AGBL4: variants seen among roughly 807,000 people sequenced by gnomAD.
The protein encoded by AGBL4 is cytosolic carboxypeptidase 6.
Under a neutral mutation model 66.4 loss-of-function variants are expected in AGBL4, and 58 were observed. That is an observed-to-expected ratio of 0.87 (90% CI 0.71 to 1.09). The LOEUF (loss-of-function observed/expected upper bound fraction) is 1.09. Among genes scored for constraint, AGBL4 ranks in the 50% least tolerant of loss-of-function variants. The pLI, the probability that AGBL4 is intolerant of heterozygous loss-of-function variation, is 0.00. For missense variants in AGBL4, 579 were observed against 631.0 expected, an observed-to-expected ratio of 0.92 and a Z score of 0.88; for synonymous variants, 234 against 222.9, an observed-to-expected ratio of 1.05 and a Z score of -0.44.
At chr1:48,862,023 C>A (rs1201607908) in intron 6 of AGBL4, among the ~76,000 whole-genome samples, 1 of 152,180 alleles carries the variant, frequency 6.6e-6, no homozygotes, top group Non-Finnish European at 1.5e-5. Context: ...CTTTACAGGG[C>A]AAATTTATCT....
At chr1:49,227,818 G>A in intron 4 of AGBL4, among the ~76,000 whole-genome samples, 1 of 152,152 alleles carries the variant, frequency 6.6e-6, no homozygotes, top group Non-Finnish European at 1.5e-5. Context: ...ATTCATGGCT[G>A]CAGTGCCCTA....
At chr1:49,080,313 A>G (rs957083550) in intron 4 of AGBL4, among the ~76,000 whole-genome samples, 1 of 152,192 alleles carries the variant, frequency 6.6e-6, no homozygotes, top group Non-Finnish European at 1.5e-5. Flanking sequence ...AAGCAACAAT[A>G]TGGTACCCAG....
At chr1:49,440,069 CT>C (rs34024621) in intron 3 of AGBL4, among the ~76,000 whole-genome samples, 88 of 123,502 alleles carry the variant, frequency 7.1e-4, no homozygotes, top group East Asian at 1.4e-3. Flanking sequence ...AAGGACTCTA[CT>C]TTTTTTTTTT....
intron 6 of AGBL4, chr1:48,742,728 C>A: frequency 2.5e-6 from 4 of 1,608,790 alleles, no homozygotes; most frequent in Non-Finnish European, 2.5e-6. Flanking sequence ...CCGGCTCGGG[C>A]TCGAGACATT....
intron 1 of AGBL4, among the ~76,000 whole-genome samples, chr1:49,981,323 C>G (rs984512863): frequency 1.3e-5 from 2 of 152,002 alleles, no homozygotes; most frequent in Non-Finnish European, 2.9e-5. Flanking sequence ...GAATTCCAAT[C>G]GTCAGAATAA....
chr1:48,791,362 A>G (rs545478742), intron 6 of AGBL4, among the ~76,000 whole-genome samples: 48 of 152,178 alleles, frequency 3.2e-4, no homozygotes, highest in African/African-American at 1.2e-3. Flanking sequence ...TCTTCTCTAA[A>G]TCACCTTCCC....
intron 6 of AGBL4, among the ~76,000 whole-genome samples, chr1:48,750,991 C>T (rs1049819682): frequency 6.6e-6 from 1 of 152,174 alleles, no homozygotes; most frequent in Non-Finnish European, 1.5e-5. Context: ...AACATCCATC[C>T]ATGTTGGCTG....
intron 3 of AGBL4, among the ~76,000 whole-genome samples, chr1:49,380,409 G>A (rs986682572): frequency 6.6e-6 from 1 of 152,050 alleles, no homozygotes; most frequent in Non-Finnish European, 1.5e-5. Flanking sequence ...CATGAAAAGG[G>A]CCATACTGCC....
chr1:49,835,056 G>C (rs1227369918), intron 2 of AGBL4, among the ~76,000 whole-genome samples: 1 of 152,166 alleles, frequency 6.6e-6, no homozygotes, highest in Non-Finnish European at 1.5e-5. Context: ...CTATTGATTT[G>C]GGGTGGAGAG....
intron 1 of AGBL4, among the ~76,000 whole-genome samples, chr1:49,852,571 C>T (rs925514425): frequency 2.0e-5 from 3 of 151,982 alleles, no homozygotes; most frequent in Admixed American, 1.3e-4. Flanking sequence ...CATGAAGTCT[C>T]TTATGGGAAA....
At chr1:48,713,210 GCAAC>G (rs1646994675) in intron 6 of AGBL4, among the ~76,000 whole-genome samples, 1 of 152,188 alleles carries the variant, frequency 6.6e-6, no homozygotes, top group South Asian at 2.1e-4. Context: ...CTGATTGATG[GCAAC>G]CCAGAGAAGG....
chr1:48,989,598 G>C (rs1410056600), intron 5 of AGBL4, among the ~76,000 whole-genome samples: 1 of 151,878 alleles, frequency 6.6e-6, no homozygotes, highest in East Asian at 1.9e-4. Flanking sequence ...TTAATTTTTA[G>C]CTCCCCAAAA....
At chr1:48,590,703 C>T (rs896347867) in intron 10 of AGBL4, 130 bp downstream of exon 10, 116 of 1,044,272 alleles carry the variant, frequency 1.1e-4, no homozygotes, top group Non-Finnish European at 1.5e-4. Flanking sequence ...CTATCTTCAT[C>T]ACCCACACAA....
chr1:48,575,671 C>T (rs1644641957), intron 11 of AGBL4, among the ~76,000 whole-genome samples: 1 of 152,208 alleles, frequency 6.6e-6, no homozygotes, highest in South Asian at 2.1e-4. Flanking sequence ...GCTCCCTTCT[C>T]ATCCTTCTAG....
At chr1:48,584,645 G>A (rs1644790752) in intron 11 of AGBL4, 1 of 152,490 alleles carries the variant, frequency 6.6e-6, no homozygotes, top group Non-Finnish European at 1.5e-5. Context: ...GAACCCAGGA[G>A]GCAGAAGTTG....
At chr1:49,641,825 T>A (rs1238043870) in intron 3 of AGBL4, among the ~76,000 whole-genome samples, 1 of 152,044 alleles carries the variant, frequency 6.6e-6, no homozygotes, top group Non-Finnish European at 1.5e-5. Flanking sequence ...CTAGTCTTTT[T>A]AAAAGCATTA....
intron 1 of AGBL4, among the ~76,000 whole-genome samples, chr1:49,906,262 T>C (rs1305207528): frequency 1.3e-5 from 2 of 152,032 alleles, no homozygotes; most frequent in African/African-American, 4.8e-5. Context: ...CTTAAAAACA[T>C]CTTATGTGCA....
intron 6 of AGBL4, among the ~76,000 whole-genome samples, chr1:48,713,336 G>A (rs943517755): frequency 8.5e-5 from 13 of 152,140 alleles, no homozygotes; most frequent in Admixed American, 3.9e-4. Flanking sequence ...TGGGAGAAGG[G>A]AGAGCCATTC....
Position 49,441,103 on chromosome 1 carries a change from C to G in AGBL4, c.283-195239G>C, listed in dbSNP as rs190642507. 1.8e-3 allele frequency among the ~76,000 whole-genome samples: 270 copies of G among 152,234 alleles called. 3 individuals carry two copies. Among genetic ancestry groups the G allele is most frequent in the African/African-American group, 6.3e-3 (260 of 41,522 alleles). ...GGAGCCCCCCGCCCGCCACAACACC[C>G]CTGTTAGCTTCAAGACATATGACTA... On this transcript the variant is annotated intron_variant, in intron 3 of 13. Coordinates refer to ENST00000371839, the MANE Select transcript of AGBL4 (RefSeq NM_032785.4).
Sources: gnomAD v4.1 joint callset for allele counts (sites outside exome capture counted in the v4.1 genomes callset) on GRCh38, gnomAD v4.1.1 for gene constraint, MANE v1.5 for transcripts, NCBI Gene and HGNC (gene_info 2026-07-23, HGNC 2026-07-21) for gene names.